UBE2D3: variants seen among roughly 807,000 people sequenced by gnomAD.
UBE2D3 encodes the protein ubiquitin conjugating enzyme E2 D3.
A neutral mutation model predicts 22.8 loss-of-function variants in UBE2D3; 2 were observed. The observed-to-expected ratio is 0.09, with a 90% CI of 0.04 to 0.28. The LOEUF (loss-of-function observed/expected upper bound fraction) is 0.28. UBE2D3 is among the 10% of genes least tolerant of loss of function. The probability of loss-of-function intolerance (pLI) is 1.00; values close to 1 mark genes in which losing one functional copy is unlikely to be tolerated. For missense variants in UBE2D3, 27 were observed against 182.5 expected, an observed-to-expected ratio of 0.15 and a Z score of 4.91; for synonymous variants, 56 against 60.4, an observed-to-expected ratio of 0.93 and a Z score of 0.34.
intron 1 of UBE2D3, among the ~76,000 whole-genome samples, chr4:102,856,632 G>C (rs572508312): frequency 1.3e-5 from 2 of 152,266 alleles, no homozygotes; most frequent in South Asian, 4.1e-4. Context: ...ATACTAGAAA[G>C]TAAAAGGCCT....
rs143314848 is a variant in UBE2D3 at position 102,827,282 on chromosome 4, C to A, written c.-129+145G>T. Reference sequence around the variant, plus strand: ...CCTCCTCCTCCAGCAGGAGAGGCCGCGGCTTCCCCAACCTTCCCACCCTAA... The same window carrying A: ...CCTCCTCCTCCAGCAGGAGAGGCCGAGGCTTCCCCAACCTTCCCACCCTAA... On this transcript the variant is annotated intron_variant, in intron 1 of 7. Transcript: ENST00000453744. The A allele has an allele frequency of 1.1e-4, 106 of 951,678 alleles. 1 individual carries two copies. The East Asian group carries it at 9.1e-3, about 82-fold the overall frequency. The allele number at this position is 951,678 out of a possible 1,614,324, so 59.0% of individuals were successfully genotyped here.
At position 102,827,481 on chromosome 4, in the gene UBE2D3, G is replaced by T; in HGVS notation, c.-183C>A. ...GCCTCGGCCTCCTCCCCGCGCGGCA[G>T]CTGGTGCCTCCCCGGCCCTACGGGG... is the stretch of plus-strand genomic sequence containing the variant. On this transcript the variant is annotated 5_prime_UTR_variant, in exon 1 of 8. It adds an upstream start codon to the 5' untranslated region. Coordinates refer to ENST00000453744, the MANE Select transcript of UBE2D3 (RefSeq NM_181891.3). 2.0e-6 allele frequency: 2 copies of T among 986,224 alleles called. No homozygotes were observed. The highest frequency in any genetic ancestry group is 2.4e-6 in the Non-Finnish European group (2 of 830,194). The allele number at this position is 986,224 out of a possible 1,614,324, so 61.1% of individuals were successfully genotyped here. A position where few individuals can be genotyped will look rare whatever the true frequency, so the allele number is the denominator to read the frequency against.
intron 6 of UBE2D3, among the ~76,000 whole-genome samples, chr4:102,800,531 G>A (rs540892249): frequency 6.6e-6 from 1 of 152,094 alleles, no homozygotes; most frequent in African/African-American, 2.4e-5. Flanking sequence ...AGAAAAACTT[G>A]GAAACTGATA....
intron 2 of UBE2D3, chr4:102,811,743 AGAAAG>A: frequency 2.3e-6 from 1 of 439,904 alleles, no homozygotes; most frequent in South Asian, 1.6e-5. Context: ...AGAAAGCAAA[AGAAAG>A]GATGCCTAAA....
intron 1 of UBE2D3, chr4:102,836,920 CTAA>C (rs1447874615): frequency 6.6e-6 from 1 of 152,070 alleles, no homozygotes; most frequent in Non-Finnish European, 1.5e-5. Context: ...TGTTTTTTAA[CTAA>C]TAAAGTCATA....
intron 1 of UBE2D3, among the ~76,000 whole-genome samples, chr4:102,864,778 C>T (rs1357684616): frequency 6.6e-6 from 1 of 152,172 alleles, no homozygotes; most frequent in Non-Finnish European, 1.5e-5. Flanking sequence ...TAGATATTAA[C>T]ACTTACTTAT....
chr4:102,826,816 T>C (rs750058301), intron 1 of UBE2D3, 180 bp from the exon 2 acceptor site: 17 of 1,218,594 alleles, frequency 1.4e-5, no homozygotes, highest in African/African-American at 1.6e-5. Flanking sequence ...AGAGCGGAGG[T>C]GGTGGCTACA....
At chr4:102,828,007 C>T (rs1730857253), upstream of UBE2D3, 10 of 985,378 alleles carry the variant, frequency 1.0e-5, no homozygotes, top group South Asian at 3.3e-4. Flanking sequence ...GGTAGCTCTG[C>T]AATGACTTAA....
At chr4:102,854,018 ATTATT>A (rs1185322111) in intron 1 of UBE2D3, among the ~76,000 whole-genome samples, 1 of 152,106 alleles carries the variant, frequency 6.6e-6, no homozygotes, top group East Asian at 1.9e-4. Context: ...CTGGCATCTT[ATTATT>A]TTAATTTTCA....
intron 2 of UBE2D3, chr4:102,811,807 A>C (rs1489400883): frequency 6.8e-6 from 3 of 441,230 alleles, no homozygotes; most frequent in African/African-American, 6.2e-5. Context: ...GCTTGAGCGC[A>C]GGAGTTCGAG....
intron 4 of UBE2D3, among the ~76,000 whole-genome samples, chr4:102,802,871 A>T (rs1425701400): frequency 1.3e-5 from 2 of 152,206 alleles, no homozygotes; most frequent in Non-Finnish European, 2.9e-5. Context: ...ATGTTTTTTT[A>T]AAAAGTTATC....
At chr4:102,866,751 C>G (rs1246245726) in intron 1 of UBE2D3, among the ~76,000 whole-genome samples, 2 of 152,144 alleles carry the variant, frequency 1.3e-5, no homozygotes, top group Non-Finnish European at 2.9e-5. Context: ...TTGCCCTTGT[C>G]AAGATGACAG....
At chr4:102,849,897 C>T (rs1413880649) in intron 1 of UBE2D3, among the ~76,000 whole-genome samples, 1 of 152,032 alleles carries the variant, frequency 6.6e-6, no homozygotes, top group Non-Finnish European at 1.5e-5. Context: ...TCATTCTTTA[C>T]AAAATTTGAA....
At chr4:102,807,331 T>C (rs527611131) in intron 4 of UBE2D3, among the ~76,000 whole-genome samples, 9 of 152,330 alleles carry the variant, frequency 5.9e-5, no homozygotes, top group East Asian at 1.9e-4. Context: ...AGTTGTTTCA[T>C]TGGTGCACTC....
chr4:102,831,507 T>C (rs1411137435), upstream of UBE2D3, among the ~76,000 whole-genome samples: 3 of 152,172 alleles, frequency 2.0e-5, no homozygotes. Flanking sequence ...ACAACTCAAA[T>C]GTCCATCAGC....
At chr4:102,863,851 A>G (rs1733018300) in intron 1 of UBE2D3, among the ~76,000 whole-genome samples, 1 of 152,194 alleles carries the variant, frequency 6.6e-6, no homozygotes, top group African/African-American at 2.4e-5. Context: ...CTAGAGAAAG[A>G]GCTCCAGAAA....
chr4:102,863,973 C>T (rs1733025770), intron 1 of UBE2D3, among the ~76,000 whole-genome samples: 1 of 151,452 alleles, frequency 6.6e-6, no homozygotes, highest in Non-Finnish European at 1.5e-5. Context: ...AGATCTAGAC[C>T]AACCACTGTG....
intron 2 of UBE2D3, among the ~76,000 whole-genome samples, chr4:102,821,605 G>T (rs1256370331): frequency 9.8e-6 from 1 of 102,526 alleles, no homozygotes; most frequent in Non-Finnish European, 1.9e-5. Flanking sequence ...CCATGCAGCT[G>T]TATTTTTTTT....
intron 2 of UBE2D3, chr4:102,825,802 C>T: frequency 2.2e-6 from 1 of 456,840 alleles, no homozygotes; most frequent in South Asian, 1.6e-5. Context: ...TCCAGAATGC[C>T]TTTTACATCA....
Sources: gnomAD v4.1 joint callset for allele counts (sites outside exome capture counted in the v4.1 genomes callset) on GRCh38, gnomAD v4.1.1 for gene constraint, MANE v1.5 for transcripts, NCBI Gene and HGNC (gene_info 2026-07-23, HGNC 2026-07-21) for gene names.